The following SPTBN2 variants were observed in gnomAD, a reference collection of about 807,000 sequenced individuals.
The protein encoded by SPTBN2 is spectrin beta, non-erythrocytic 2, also known as spectrin beta chain, non-erythrocytic 2.
A neutral mutation model predicts 284.2 loss-of-function variants in SPTBN2; 107 were observed. The observed-to-expected ratio is 0.38, with a 90% confidence interval of 0.32 to 0.44. SPTBN2 has a LOEUF of 0.44. Among genes scored for constraint, SPTBN2 ranks in the 20% least tolerant of loss-of-function variants. The pLI is 1.00. For synonymous variants in SPTBN2, 1,289 were observed against 1,354.8 expected, an observed-to-expected ratio of 0.95 and a Z score of 1.07; for missense variants, 2,569 against 3,287.1, an observed-to-expected ratio of 0.78 and a Z score of 5.34.
chr11:66,693,592 C>T lies in SPTBN2; in HGVS notation c.4594-146G>A. ...CTGGGGGTGCGATGGTAACACCCGT[C>T]AGCCGCCCAGCCCCCACTATCTCCT... On this transcript the variant is annotated intron_variant, in intron 23 of 37. Transcript: ENST00000533211. The surrounding 1 kb of genome is among the most constrained non-coding windows in gnomAD (Gnocchi z 5.7). 1 of 1,397,806 alleles carries T rather than the reference C, an allele frequency of 7.2e-7. No homozygotes were observed. The highest frequency in any genetic ancestry group is 9.7e-7 in the Non-Finnish European group (1 of 1,025,840). The allele number at this position is 1,397,806 out of a possible 1,614,324, so 86.6% of individuals were successfully genotyped here. A position where few individuals can be genotyped will look rare whatever the true frequency, so the allele number is the denominator to read the frequency against.
chr11:66,730,948 G>A (rs78924759), upstream of SPTBN2, among the ~76,000 whole-genome samples: 205 of 152,186 alleles, frequency 1.3e-3, no homozygotes, highest in African/African-American at 4.7e-3. Flanking sequence ...TGCTAGACAG[G>A]GAGTATAGCA....
intron 13 of SPTBN2, 135 bp from the exon 14 acceptor site, chr11:66,705,972 G>C: frequency 7.7e-7 from 1 of 1,295,742 alleles, no homozygotes; most frequent in South Asian, 1.3e-5. Flanking sequence ...ACATACTTGA[G>C]ATACCCCAGT....
chr11:66,685,437 G>T lies in SPTBN2; in HGVS notation c.*434C>A. 1 of 214,566 alleles carries T rather than the reference G, an allele frequency of 4.7e-6. No homozygotes were observed. Among genetic ancestry groups the T allele is most frequent in the South Asian group, 6.6e-5 (1 of 15,168 alleles). 13.3% of individuals were successfully genotyped at this position (214,566 alleles called of 1,614,324 possible). On this transcript the variant is annotated 3_prime_UTR_variant, in exon 38 of 38. Transcript: ENST00000533211. This position sits in a 1 kb window ranked among gnomAD's most constrained non-coding sequence, Gnocchi z 4.4. ...TCTGGCACTTCTGCCCCCAGGGCCT[G>T]CTTCAGCTCTGAGAGGTTCCTGGCT...
At chr11:66,716,279 C>G (rs890757782) in intron 3 of SPTBN2, among the ~76,000 whole-genome samples, 1 of 152,060 alleles carries the variant, frequency 6.6e-6, no homozygotes, top group Non-Finnish European at 1.5e-5. Flanking sequence ...GTCAGGAGAT[C>G]GAGACCATCC....
At position 66,708,763 on chromosome 11, in the gene SPTBN2, A is replaced by C; in HGVS notation, c.1191+139T>G. ...TCTGGCACAGTGTGGGCAGCTGGGC[A>C]GAGTGCTCGAGTTTCAAGTTGGGGC... is the stretch of plus-strand genomic sequence containing the variant. On this transcript the variant is annotated intron_variant, in intron 11 of 37. Coordinates refer to ENST00000533211, the MANE Select transcript of SPTBN2 (RefSeq NM_006946.4). This position sits in a 1 kb window ranked among gnomAD's most constrained non-coding sequence, Gnocchi z 4.4. 2.9e-6 allele frequency: 2 copies of C among 695,762 alleles called. No individual in the cohort carries two copies. Among genetic ancestry groups the C allele is most frequent in the Non-Finnish European group, 5.0e-6 (2 of 396,810 alleles). 43.1% of individuals were successfully genotyped at this position (695,762 alleles called of 1,614,324 possible). A position where few individuals can be genotyped will look rare whatever the true frequency, so the allele number is the denominator to read the frequency against.
Position 66,684,773 on chromosome 11 carries a change from C to T in SPTBN2, c.*1098G>A, listed in dbSNP as rs191979382. Reference sequence around the variant, plus strand: ...TTGGAACCTGCCACTTCTCAGATCCCTGTCTGAGGTCCCTTGATCTACTGG... The same window carrying T: ...TTGGAACCTGCCACTTCTCAGATCCTTGTCTGAGGTCCCTTGATCTACTGG... On this transcript the variant is annotated 3_prime_UTR_variant, in exon 38 of 38. Transcript: ENST00000533211. 1.9e-3 allele frequency among the ~76,000 whole-genome samples: 285 copies of T among 152,258 alleles called. 1 individual carries two copies. Among genetic ancestry groups the T allele is most frequent in the African/African-American group, 6.3e-3 (263 of 41,550 alleles).
intron 1 of SPTBN2, among the ~76,000 whole-genome samples, chr11:66,726,029 G>A (rs547237745): frequency 1.3e-5 from 2 of 152,110 alleles, no homozygotes; most frequent in Admixed American, 1.3e-4. Context: ...AGTTGTTTAC[G>A]TGTCTCTCTG....
rs1021506619 is a variant in SPTBN2, at chr11:66,702,621, C to T, written c.2679-900G>A. 3.9e-5 allele frequency among the ~76,000 whole-genome samples: 6 copies of T among 152,130 alleles called. No homozygotes were observed. The South Asian group carries it at 1.2e-3, about 32-fold the overall frequency. On this transcript the variant is annotated intron_variant, in intron 15 of 37. Coordinates refer to ENST00000533211, the MANE Select transcript of SPTBN2 (RefSeq NM_006946.4). Reference sequence around the variant, plus strand: ...CAGCCACGGGCAATACGCAAAAGGGCGAGTGTAGCTCTGTTCCAGTAAAAC... The same window carrying T: ...CAGCCACGGGCAATACGCAAAAGGGTGAGTGTAGCTCTGTTCCAGTAAAAC...
In SPTBN2 at chr11:66,690,168, C is replaced by T. The variant is rs148293687; in HGVS notation, c.5681G>A (p.Gly1894Glu). Residue 1894 changes from glycine (G) to glutamate (E), a missense_variant, in exon 28 of 38, where the codon GGA (glycine) becomes GAA (glutamate). Around this residue, in one of 6 missense-constraint regions of SPTBN2, gnomAD observed 1,130 missense variants for 1,317.3 expected, o/e 0.86. Coordinates refer to ENST00000533211, the MANE Select transcript of SPTBN2 (RefSeq NM_006946.4). ...AVAEAWAQLQ[G>E]SSAARRQLLL... ...CAGCTGCCGGCGGGCGGCAGAGCTT[C>T]CCTGAAGCTGGGCCCAGGCCTCGGC... The T allele has an allele frequency of 2.5e-5, 41 of 1,614,000 alleles. No individual in the cohort carries two copies. Among genetic ancestry groups the T allele is most frequent in the African/African-American group, 1.9e-4 (14 of 74,938 alleles).
intron 1 of SPTBN2, among the ~76,000 whole-genome samples, chr11:66,739,920 T>G (rs1410104201): frequency 6.6e-6 from 1 of 152,126 alleles, no homozygotes; most frequent in East Asian, 1.9e-4. Context: ...TAATCCCAGC[T>G]GCTCGTGAGG....
intron 25 of SPTBN2, 64 bp downstream of exon 25, chr11:66,692,906 T>C (rs1266892786): frequency 3.8e-6 from 6 of 1,597,702 alleles, no homozygotes; most frequent in Admixed American, 1.7e-5. Context: ...CCACATTCCC[T>C]GCACCTTCCT....
rs1187185361 is a variant in SPTBN2 at position 66,705,211 on chromosome 11, C to T, written c.2065G>A (p.Glu689Lys). 7.8e-6 allele frequency: 12 copies of T among 1,541,532 alleles called. No individual in the cohort carries two copies. Among genetic ancestry groups the T allele is most frequent in the African/African-American group, 1.4e-5 (1 of 73,124 alleles). ...AGGGGCCCCAGCCGGCCGCTCATCT[C>T]GCCCCGCAGGGCTGTGTGCTTGTTG... is the stretch of plus-strand genomic sequence containing the variant. ...LLNKHTALRG[E>K]MSGRLGPLKL... The change falls in exon 15 of 38, where the codon GAG becomes AAG. Residue 689 changes from glutamate to lysine, a missense_variant. Glu to Lys is a moderately conservative substitution (Grantham distance 56). Around this residue, in one of 6 missense-constraint regions of SPTBN2, gnomAD observed 1,012 missense variants for 1,248.9 expected, o/e 0.81. Transcript: ENST00000533211.
chr11:66,692,951 G>C lies in SPTBN2; in HGVS notation c.4985+19C>G. The stretch of plus-strand genomic sequence containing the variant: ...GCCGGCTCCACCCCCAGGCTGGGCC[G>C]GGCTGCCGCTGCACCCACCTCTCTG... On this transcript the variant is annotated intron_variant, in intron 25 of 37. Transcript: ENST00000533211. 6.2e-7 allele frequency: 1 copy of C among 1,601,020 alleles called. No individual in the cohort carries two copies. Among genetic ancestry groups the C allele is most frequent in the Non-Finnish European group, 8.5e-7 (1 of 1,179,864 alleles).
At chr11:66,722,975 GTTCT>G (rs1411596335) in intron 1 of SPTBN2, among the ~76,000 whole-genome samples, 2 of 150,664 alleles carry the variant, frequency 1.3e-5, no homozygotes, top group East Asian at 2.0e-4. Context: ...GTTTTGAAAA[GTTCT>G]TTCTGACTCT....
intron 1 of SPTBN2, among the ~76,000 whole-genome samples, chr11:66,723,226 G>C (rs1942499970): frequency 1.3e-5 from 2 of 151,804 alleles, no homozygotes; most frequent in South Asian, 4.2e-4. Flanking sequence ...AACCTCTACT[G>C]TCCAAAGTTC....
Position 66,696,331 on chromosome 11 carries a change from C to T in SPTBN2, c.4224G>A (p.Ser1408=), listed in dbSNP as rs746532945. 8.7e-6 allele frequency: 14 copies of T among 1,613,290 alleles called. No homozygotes were observed. The highest frequency in any genetic ancestry group is 3.3e-5 in the South Asian group (3 of 91,088). The part of the protein sequence containing the change: ...WLESLQAQLH[S]DDYGKDLTSV... ...TGGTGAGGTCCTTGCCGTAGTCATCCGAGTGCAGCTGGGCCTGCAGGCTCT... is the reference window on the plus strand; with the variant it reads ...TGGTGAGGTCCTTGCCGTAGTCATCTGAGTGCAGCTGGGCCTGCAGGCTCT... Residue 1408 remains serine (S), a synonymous_variant, in exon 21 of 38, where the codon TCG becomes TCA. Coordinates refer to ENST00000533211, the MANE Select transcript of SPTBN2 (RefSeq NM_006946.4).
At chr11:66,701,536 T>C in intron 16 of SPTBN2, 48 bp downstream of exon 16, 1 of 1,613,766 alleles carries the variant, frequency 6.2e-7, no homozygotes, top group South Asian at 1.1e-5. Context: ...GCCATCCCCA[T>C]TGCTTCATTT....
chr11:66,713,852 C>T, intron 7 of SPTBN2, 106 bp from the exon 8 acceptor site: 1 of 1,044,964 alleles, frequency 9.6e-7, no homozygotes, highest in East Asian at 2.4e-5. Flanking sequence ...CCAATTTTGT[C>T]CAGAAGTAGG....
Position 66,715,141 on chromosome 11 carries a change from T to G in SPTBN2, c.483+81A>C. 1 of 1,569,908 alleles carries G rather than the reference T, an allele frequency of 6.4e-7. No homozygotes were observed. The highest frequency in any genetic ancestry group is 8.8e-7 in the Non-Finnish European group (1 of 1,142,358). On this transcript the variant is annotated intron_variant, in intron 5 of 37. Transcript: ENST00000533211. This position sits in a 1 kb window ranked among gnomAD's most constrained non-coding sequence, Gnocchi z 5.3. ...CTAGATCCTCCATCTTTGTGTTTGT[T>G]GTGTCATGGGCCAGCAGGAACGGCT... is the stretch of plus-strand genomic sequence containing the variant.
Sources: allele counts gnomAD v4.1 joint callset (sites outside exome capture counted in the v4.1 genomes callset), GRCh38; gene constraint gnomAD v4.1.1; regional missense constraint gnomAD v4.1.1; non-coding constraint Gnocchi (gnomAD v3.1); transcripts MANE v1.5; gene names NCBI Gene and HGNC (gene_info 2026-07-23, HGNC 2026-07-21).